Variants in MRPL1 observed in about 807,000 individuals in gnomAD.
MRPL1 encodes the protein mitochondrial ribosomal protein L1, also known as large ribosomal subunit protein uL1m.
MRPL1 carries 28 observed loss-of-function variants against 38.0 expected under a neutral mutation model. That is an observed-to-expected ratio of 0.74 (90% CI 0.55 to 1.01). MRPL1 has a LOEUF of 1.01. MRPL1 is among the 50% of genes least tolerant of loss of function. The pLI, the probability that MRPL1 is intolerant of heterozygous loss-of-function variation, is 0.00. For missense variants in MRPL1, 358 were observed against 389.8 expected, an observed-to-expected ratio of 0.92 and a Z score of 0.69; for synonymous variants, 123 against 126.7, an observed-to-expected ratio of 0.97 and a Z score of 0.20.
intron 1 of MRPL1, among the ~76,000 whole-genome samples, chr4:77,870,092 C>T (rs1374963450): frequency 6.6e-6 from 1 of 151,464 alleles, no homozygotes; most frequent in Non-Finnish European, 1.5e-5. Flanking sequence ...TGGGGTTCCA[C>T]TCTATTGCCC....
intron 7 of MRPL1, among the ~76,000 whole-genome samples, chr4:77,938,236 C>T (rs967926086): frequency 4.6e-5 from 7 of 152,200 alleles, no homozygotes; most frequent in African/African-American, 1.2e-4. Flanking sequence ...GTGACAGAGG[C>T]CATTTGGCCT....
At chr4:77,910,096 TG>T (rs1197939131) in intron 7 of MRPL1, among the ~76,000 whole-genome samples, 1 of 152,156 alleles carries the variant, frequency 6.6e-6, no homozygotes, top group East Asian at 1.9e-4. Flanking sequence ...AAACAATTTT[TG>T]TATATTCTGT....
At chr4:77,880,135 A>G (rs1329950909) in intron 2 of MRPL1, among the ~76,000 whole-genome samples, 3 of 152,164 alleles carry the variant, frequency 2.0e-5, no homozygotes, top group African/African-American at 7.2e-5. Context: ...GCTTAAAACT[A>G]TACAAGTTTT....
intron 7 of MRPL1, among the ~76,000 whole-genome samples, chr4:77,923,565 T>C (rs1736639831): frequency 6.6e-6 from 1 of 152,178 alleles, no homozygotes; most frequent in Non-Finnish European, 1.5e-5. Context: ...GTTTTCCAAA[T>C]ATTTCTGGCC....
intron 2 of MRPL1, among the ~76,000 whole-genome samples, chr4:77,877,089 G>A (rs777727015): frequency 6.6e-6 from 1 of 152,020 alleles, no homozygotes; most frequent in African/African-American, 2.4e-5. Context: ...TAGTAGAGAC[G>A]GGGTTTCACC....
At chr4:77,870,355 T>G (rs913844594) in intron 1 of MRPL1, among the ~76,000 whole-genome samples, 2 of 152,198 alleles carry the variant, frequency 1.3e-5, no homozygotes, top group African/African-American at 2.4e-5. Context: ...AATGGATAAT[T>G]GCTTGTTCCT....
chr4:77,926,283 A>G (rs1377745655), intron 7 of MRPL1, among the ~76,000 whole-genome samples: 1 of 152,220 alleles, frequency 6.6e-6, no homozygotes, highest in Non-Finnish European at 1.5e-5. Context: ...ACTGAAAATA[A>G]GGAGATTAAG....
At chr4:77,907,500 G>C (rs564216689) in intron 6 of MRPL1, among the ~76,000 whole-genome samples, 19 of 129,512 alleles carry the variant, frequency 1.5e-4, no homozygotes, top group African/African-American at 4.4e-4. Flanking sequence ...CCCTCCCTCC[G>C]TCTCTCTCTC....
chr4:77,871,683 T>C, intron 1 of MRPL1, 61 bp from the exon 2 acceptor site: 1 of 777,944 alleles, frequency 1.3e-6, no homozygotes, highest in Non-Finnish European at 2.0e-6. Context: ...CTTTTAAAAT[T>C]AAAAAATTAT....
chr4:77,920,131 CTT>C, intron 7 of MRPL1, among the ~76,000 whole-genome samples: 1 of 152,058 alleles, frequency 6.6e-6, no homozygotes, highest in East Asian at 1.9e-4. Context: ...ATTTTGGTGT[CTT>C]TATAAGTGCT....
rs148801503 is a variant in MRPL1 at position 77,945,574 on chromosome 4, G to A, written c.778-4223G>A. 3.7e-3 allele frequency among the ~76,000 whole-genome samples: 566 copies of A among 151,720 alleles called. 5 individuals are homozygous for A. Among genetic ancestry groups the A allele is most frequent in the African/African-American group, 0.013 (538 of 41,360 alleles). On this transcript the variant is annotated intron_variant, in intron 7 of 8. Transcript: ENST00000315567. Reference sequence around the variant, plus strand: ...TTTATTCACATTGTAATCCTTTATCGGGGGAACCTGCCCCCAATATTTCAT... The same window carrying A: ...TTTATTCACATTGTAATCCTTTATCAGGGGAACCTGCCCCCAATATTTCAT...
In MRPL1 at chr4:77,894,119, T is replaced by C. The variant is rs1252039162; in HGVS notation, c.559-20T>C. 1.6e-5 allele frequency: 8 copies of C among 508,102 alleles called. No homozygotes were observed. The highest frequency in any genetic ancestry group is 4.1e-5 in the South Asian group (1 of 24,656). The allele number at this position is 508,102 out of a possible 1,614,324, so 31.5% of individuals were successfully genotyped here. On this transcript the variant is annotated intron_variant, in intron 5 of 8. Coordinates refer to ENST00000315567, the MANE Select transcript of MRPL1 (RefSeq NM_020236.4). ...GCTTTTCATCTCATCTGAGGTCACC[T>C]TTTTTTTTTTAATTTTCAGATTTGG...
chr4:77,864,587 T>G (rs908448943), intron 1 of MRPL1: 6 of 152,222 alleles, frequency 3.9e-5, no homozygotes, highest in African/African-American at 1.4e-4. Context: ...GCAAAATCAC[T>G]TTGTGCTCTG....
intron 8 of MRPL1, among the ~76,000 whole-genome samples, chr4:77,951,982 T>C (rs1002667014): frequency 6.6e-6 from 1 of 152,216 alleles, no homozygotes; most frequent in African/African-American, 2.4e-5. Context: ...ATGGGCAAAG[T>C]ATATGATAAT....
At chr4:77,914,838 A>T (rs1246218129) in intron 7 of MRPL1, among the ~76,000 whole-genome samples, 4 of 152,178 alleles carry the variant, frequency 2.6e-5, no homozygotes, top group Admixed American at 2.6e-4. Context: ...TATTTTGGAT[A>T]AAAGGAAGAT....
At chr4:77,948,809 C>T (rs1737337424) in intron 7 of MRPL1, among the ~76,000 whole-genome samples, 1 of 142,820 alleles carries the variant, frequency 7.0e-6, no homozygotes, top group Non-Finnish European at 1.5e-5. Context: ...TTGCTCTTGT[C>T]GCCCAGGCTG....
intron 6 of MRPL1, 118 bp downstream of exon 6, chr4:77,894,368 G>C: frequency 1.6e-6 from 1 of 606,528 alleles, no homozygotes; most frequent in Non-Finnish European, 2.8e-6. Flanking sequence ...TGGTATTTGA[G>C]TTTGAGTTAC....
chr4:77,918,074 T>C (rs1463417708), intron 7 of MRPL1, among the ~76,000 whole-genome samples: 7 of 147,662 alleles, frequency 4.7e-5, no homozygotes. Context: ...AAAAAAGGTA[T>C]GTGTTTATAT....
intron 7 of MRPL1, among the ~76,000 whole-genome samples, chr4:77,911,362 C>G (rs186376166): frequency 6.6e-6 from 1 of 152,056 alleles, no homozygotes; most frequent in East Asian, 1.9e-4. Context: ...TCAACAAATA[C>G]CATAGTGATT....
Sources: gnomAD v4.1 joint callset for allele counts (sites outside exome capture counted in the v4.1 genomes callset) on GRCh38, gnomAD v4.1.1 for gene constraint, MANE v1.5 for transcripts, NCBI Gene and HGNC (gene_info 2026-07-23, HGNC 2026-07-21) for gene names.